The following SLC26A7 variants were observed in gnomAD, a reference collection of about 807,000 sequenced individuals.
SLC26A7 encodes the protein solute carrier family 26 member 7, also known as anion exchange transporter.
A neutral mutation model predicts 82.5 loss-of-function variants in SLC26A7; 59 were observed. That is an observed-to-expected ratio of 0.72 (90% CI 0.58 to 0.89). The LOEUF (loss-of-function observed/expected upper bound fraction) is 0.89. Among genes scored for constraint, SLC26A7 ranks in the 40% least tolerant of loss-of-function variants. SLC26A7 has a pLI of 0.00. For synonymous variants in SLC26A7, 271 were observed against 274.3 expected (o/e 0.99, Z 0.12); for missense variants, 820 against 793.0 (o/e 1.03, Z -0.41).
intron 4 of SLC26A7, among the ~76,000 whole-genome samples, chr8:91,317,353 T>G (rs770973092): frequency 2.0e-5 from 3 of 152,136 alleles, no homozygotes; most frequent in Admixed American, 1.3e-4. Flanking sequence ...TTGTACTGAT[T>G]TGTGGGCTTC....
exon 2 of SLC26A7, chr8:91,218,903 G>A (rs371431209): frequency 1.3e-6 from 2 of 1,548,158 alleles, no homozygotes; most frequent in Non-Finnish European, 1.7e-6. Flanking sequence ...TGGAAGATAA[G>A]CAAGAATCTG....
chr8:91,322,642 A>G (rs956325791), intron 5 of SLC26A7, among the ~76,000 whole-genome samples: 8 of 152,208 alleles, frequency 5.3e-5, no homozygotes, highest in African/African-American at 1.9e-4. Context: ...TTTCTTTGAG[A>G]TGGTGCCAGT....
intron 2 of SLC26A7, among the ~76,000 whole-genome samples, chr8:91,264,569 C>T (rs999491060): frequency 6.6e-6 from 1 of 151,992 alleles, no homozygotes; most frequent in African/African-American, 2.4e-5. Context: ...CAGTCTCTCC[C>T]CAGTCCTCCC....
At chr8:91,292,546 A>G (rs1811902093) in intron 3 of SLC26A7, among the ~76,000 whole-genome samples, 5 of 152,128 alleles carry the variant, frequency 3.3e-5, no homozygotes, top group Admixed American at 6.5e-5. Context: ...ATGAAGAAAA[A>G]TTACTTTATT....
At chr8:91,267,100 G>A (rs1050967688) in intron 2 of SLC26A7, among the ~76,000 whole-genome samples, 5 of 151,908 alleles carry the variant, frequency 3.3e-5, no homozygotes, top group Non-Finnish European at 5.9e-5. Flanking sequence ...ACTGATCATC[G>A]TGAATGATTT....
At chr8:91,214,798 T>C (rs899495626) in intron 1 of SLC26A7, among the ~76,000 whole-genome samples, 1 of 152,056 alleles carries the variant, frequency 6.6e-6, no homozygotes, top group Non-Finnish European at 1.5e-5. Flanking sequence ...CTTGGTGACT[T>C]GACAGAAATT....
chr8:91,363,374 A>G, intron 12 of SLC26A7, 98 bp from the exon 13 acceptor site: 1 of 656,218 alleles, frequency 1.5e-6, no homozygotes, highest in South Asian at 1.8e-5. Context: ...ATCATCTCAG[A>G]CACATTCTAG....
chr8:91,309,024 A>G (rs2130795854), intron 4 of SLC26A7, among the ~76,000 whole-genome samples: 2 of 152,164 alleles, frequency 1.3e-5, no homozygotes, highest in South Asian at 2.1e-4. Flanking sequence ...TAAGATTTAG[A>G]TGGTAGGTAT....
At chr8:91,224,424 C>G (rs1451400257) in intron 2 of SLC26A7, among the ~76,000 whole-genome samples, 1 of 152,068 alleles carries the variant, frequency 6.6e-6, no homozygotes, top group East Asian at 1.9e-4. Context: ...TGTTTTCTTT[C>G]AATAGTCAGG....
chr8:91,381,446 A>C (rs1814668232), intron 15 of SLC26A7, among the ~76,000 whole-genome samples: 1 of 152,112 alleles, frequency 6.6e-6, no homozygotes, highest in Admixed American at 6.5e-5. Context: ...TATTGTGGCA[A>C]ATTTACTTTT....
intron 2 of SLC26A7, among the ~76,000 whole-genome samples, chr8:91,260,749 T>G (rs1391734588): frequency 1.3e-5 from 2 of 152,024 alleles, no homozygotes; most frequent in Non-Finnish European, 2.9e-5. Flanking sequence ...TTGATCATAG[T>G]GATTCTTCGT....
chr8:91,373,761 C>G (rs535496531), intron 15 of SLC26A7, among the ~76,000 whole-genome samples: 3 of 152,116 alleles, frequency 2.0e-5, no homozygotes, highest in South Asian at 2.1e-4. Flanking sequence ...AGAGGACTCT[C>G]TCTTCCTCAA....
At chr8:91,344,774 C>T (rs1200089836) in intron 9 of SLC26A7, among the ~76,000 whole-genome samples, 1 of 152,136 alleles carries the variant, frequency 6.6e-6, no homozygotes, top group Non-Finnish European at 1.5e-5. Flanking sequence ...CTTTGATTTT[C>T]AAGTGTAGGG....
chr8:91,262,063 C>T (rs1026634686), intron 2 of SLC26A7, among the ~76,000 whole-genome samples: 1 of 152,020 alleles, frequency 6.6e-6, no homozygotes. Flanking sequence ...TAGCAGCATT[C>T]CTCTTGGAGG....
intron 2 of SLC26A7, among the ~76,000 whole-genome samples, chr8:91,262,173 C>T (rs749778749): frequency 3.3e-5 from 5 of 151,936 alleles, no homozygotes; most frequent in Non-Finnish European, 7.4e-5. Flanking sequence ...AAGACATTGC[C>T]AAAGGTAGGA....
At chr8:91,361,187 A>G (rs560263622) in intron 11 of SLC26A7, among the ~76,000 whole-genome samples, 1 of 152,302 alleles carries the variant, frequency 6.6e-6, no homozygotes, top group South Asian at 2.1e-4. Context: ...TTTTCAAAAC[A>G]GTCTGTTAAG....
intron 9 of SLC26A7, among the ~76,000 whole-genome samples, chr8:91,351,043 G>C (rs1333601086): frequency 1.3e-5 from 2 of 152,096 alleles, no homozygotes; most frequent in Admixed American, 6.6e-5. Context: ...TCTCCATAAT[G>C]ATGTTCTAGG....
intron 3 of SLC26A7, among the ~76,000 whole-genome samples, chr8:91,291,375 A>G (rs1302453976): frequency 3.3e-5 from 5 of 152,164 alleles, no homozygotes; most frequent in African/African-American, 4.8e-5. Context: ...TTGATGCAAA[A>G]AAGAGAAAAG....
intron 3 of SLC26A7, among the ~76,000 whole-genome samples, chr8:91,290,038 T>C (rs1211057884): frequency 6.6e-6 from 1 of 152,214 alleles, no homozygotes; most frequent in Non-Finnish European, 1.5e-5. Context: ...AACTAGATAA[T>C]TGATATACAG....
Sources: allele counts gnomAD v4.1 joint callset (sites outside exome capture counted in the v4.1 genomes callset), GRCh38; gene constraint gnomAD v4.1.1; transcripts MANE v1.5; gene names NCBI Gene and HGNC (gene_info 2026-07-23, HGNC 2026-07-21).